ITPKB: variants seen among roughly 807,000 people sequenced by gnomAD.
The protein encoded by ITPKB is inositol-trisphosphate 3-kinase B.
A neutral mutation model predicts 69.4 loss-of-function variants in ITPKB; 13 were observed. The observed-to-expected ratio is 0.19, with a 90% confidence interval of 0.12 to 0.30. ITPKB has a LOEUF of 0.30. ITPKB is among the 10% of genes least tolerant of loss of function. The pLI is 1.00. For synonymous variants in ITPKB, 584 were observed against 513.7 expected, an observed-to-expected ratio of 1.14 and a Z score of -1.85; for missense variants, 1,240 against 1,250.5, an observed-to-expected ratio of 0.99 and a Z score of 0.13.
chr1:226,636,349 C>A (rs552932952), intron 7 of ITPKB, among the ~76,000 whole-genome samples: 28 of 152,372 alleles, frequency 1.8e-4, no homozygotes, highest in African/African-American at 6.5e-4. Flanking sequence ...AAGGACCGAG[C>A]TCCCTGCTAG....
In ITPKB at chr1:226,738,692, C is replaced by G. The variant is rs995419019; in HGVS notation, c.-206+349G>C. ...GAGCCGGCGCTCTAACACCCCAGGG[C>G]AGCGCCGCGGAGCGCAGGGCTTCTC... On this transcript the variant is annotated intron_variant, in intron 1 of 7. Transcript: ENST00000429204. This position sits in a 1 kb window ranked among gnomAD's most constrained non-coding sequence, Gnocchi z 4.2. 1.3e-5 allele frequency among the ~76,000 whole-genome samples: 2 copies of G among 152,166 alleles called. No individual in the cohort carries two copies. Among genetic ancestry groups the G allele is most frequent in the Non-Finnish European group, 2.9e-5 (2 of 68,006 alleles).
At chr1:226,674,664 G>A (rs951102044) in intron 2 of ITPKB, among the ~76,000 whole-genome samples, 2 of 152,118 alleles carry the variant, frequency 1.3e-5, no homozygotes, top group Admixed American at 6.5e-5. Flanking sequence ...ATACTTTTAA[G>A]TATCTAAAAT....
chr1:226,672,046 C>A (rs967978048), intron 2 of ITPKB, among the ~76,000 whole-genome samples: 2 of 151,850 alleles, frequency 1.3e-5, no homozygotes, highest in African/African-American at 4.8e-5. Context: ...AGAAAGCAGG[C>A]GAGAAAGGGT....
At chr1:226,717,630 TTAAA>T (rs1368039501) in intron 2 of ITPKB, among the ~76,000 whole-genome samples, 3 of 152,212 alleles carry the variant, frequency 2.0e-5, no homozygotes, top group Non-Finnish European at 4.4e-5. Flanking sequence ...ACAACTTTCC[TTAAA>T]TAATACAGCA....
intron 2 of ITPKB, among the ~76,000 whole-genome samples, chr1:226,694,422 T>G (rs1009191888): frequency 6.6e-6 from 1 of 152,242 alleles, no homozygotes; most frequent in Non-Finnish European, 1.5e-5. Flanking sequence ...TTTCTATCTA[T>G]GACTTCTTTA....
intron 2 of ITPKB, among the ~76,000 whole-genome samples, chr1:226,698,046 A>C (rs993298841): frequency 2.0e-5 from 3 of 152,222 alleles, no homozygotes; most frequent in Non-Finnish European, 4.4e-5. Flanking sequence ...GACAGCTTTG[A>C]ATCTGTCTGC....
chr1:226,683,600 G>A (rs1417241722), intron 2 of ITPKB, among the ~76,000 whole-genome samples: 1 of 152,140 alleles, frequency 6.6e-6, no homozygotes, highest in Non-Finnish European at 1.5e-5. Flanking sequence ...AGACATCTGT[G>A]AAGTGGAGAC....
chr1:226,720,523 G>A (rs1345230757), intron 2 of ITPKB, among the ~76,000 whole-genome samples: 2 of 152,194 alleles, frequency 1.3e-5, no homozygotes, highest in African/African-American at 2.4e-5. Context: ...CAATTTATAT[G>A]TCTCATCCTC....
At position 226,680,448 on chromosome 1, in the gene ITPKB, G is replaced by A. The variant is rs148379585; in HGVS notation, c.1933-31677C>T. On this transcript the variant is annotated intron_variant, in intron 2 of 7. Coordinates refer to ENST00000429204, the MANE Select transcript of ITPKB (RefSeq NM_002221.4). The stretch of plus-strand genomic sequence containing the variant: ...AAATGTGTCAGCTCTTTCCCCAAGA[G>A]AGGAGGCAATGCTGAATGTGTTAGG... 7.9e-5 allele frequency among the ~76,000 whole-genome samples: 12 copies of A among 152,360 alleles called. No individual in the cohort carries two copies. In the East Asian group the frequency reaches 1.7e-3, roughly 22 times the overall value.
Position 226,737,206 on chromosome 1 carries a change from T to C in ITPKB, c.253A>G (p.Ser85Gly), listed in dbSNP as rs528454205. 2 of 1,583,006 alleles carry C rather than the reference T, an allele frequency of 1.3e-6. No homozygotes were observed. The highest frequency in any genetic ancestry group is 2.3e-5 in the East Asian group (1 of 43,304). Residue 85 changes from serine (S) to glycine (G), a missense_variant, in exon 2 of 8, where the codon AGC (serine) becomes GGC (glycine). Transcript: ENST00000429204. ...WRSGRRRLNS[S>G]SGSGSGSSGS... ...CTGCTGCCGCTGCCACTGCCGCTGC[T>C]ACTATTCAGCCTGCGCCGGCCGCTC... is the stretch of plus-strand genomic sequence containing the variant.
intron 2 of ITPKB, among the ~76,000 whole-genome samples, chr1:226,731,248 T>C (rs1657580690): frequency 6.6e-6 from 1 of 152,184 alleles, no homozygotes; most frequent in Non-Finnish European, 1.5e-5. Context: ...ACTGTTCAGG[T>C]TAATGTTCTG....
chr1:226,718,396 C>A (rs1657147923), intron 2 of ITPKB, among the ~76,000 whole-genome samples: 1 of 152,022 alleles, frequency 6.6e-6, no homozygotes, highest in East Asian at 1.9e-4. Flanking sequence ...AGACTTGAGA[C>A]CAGCCTTGGC....
At chr1:226,662,557 T>C (rs985731379) in intron 2 of ITPKB, among the ~76,000 whole-genome samples, 2 of 152,164 alleles carry the variant, frequency 1.3e-5, no homozygotes, top group African/African-American at 4.8e-5. Flanking sequence ...CCAAGAACAT[T>C]AATGGACAAA....
At chr1:226,658,864 C>T (rs1034875054) in intron 2 of ITPKB, among the ~76,000 whole-genome samples, 5 of 152,144 alleles carry the variant, frequency 3.3e-5, no homozygotes, top group African/African-American at 9.7e-5. Context: ...TCCTTACCAG[C>T]CCCTGCAGAC....
chr1:226,645,555 C>T (rs113548259), intron 4 of ITPKB, among the ~76,000 whole-genome samples: 59 of 152,308 alleles, frequency 3.9e-4, no homozygotes, highest in African/African-American at 1.2e-3. Flanking sequence ...TCACACAGGC[C>T]GTACTTTTTT....
intron 2 of ITPKB, among the ~76,000 whole-genome samples, chr1:226,672,214 T>A (rs542267593): frequency 6.6e-6 from 1 of 152,254 alleles, no homozygotes; most frequent in South Asian, 2.1e-4. Flanking sequence ...GGCACCGAAA[T>A]GTGACAGCGT....
chr1:226,675,086 G>A (rs1208807488), intron 2 of ITPKB: 2 of 137,784 alleles, frequency 1.5e-5, no homozygotes, highest in African/African-American at 5.4e-5. Context: ...AGAAGGAAAG[G>A]AGACCTAGCC....
chr1:226,721,365 A>G (rs1023929873), intron 2 of ITPKB, among the ~76,000 whole-genome samples: 10 of 151,694 alleles, frequency 6.6e-5, no homozygotes, highest in South Asian at 2.1e-4. Context: ...AAAAAAAAAA[A>G]AAAAGAAATA....
In ITPKB at chr1:226,648,666, G is replaced by A. The variant is rs747333145; in HGVS notation, c.2032+6C>T. 5 of 1,576,104 alleles carry A rather than the reference G, an allele frequency of 3.2e-6. No homozygotes were observed. Among genetic ancestry groups the A allele is most frequent in the Admixed American group, 3.3e-5 (2 of 59,972 alleles). Reference sequence around the variant, plus strand: ...TGCTGGGAAAGTCTGGGAGAGCTGTGTCTACCTGCGTGTCCTGCCAGCTGG... The same window carrying A: ...TGCTGGGAAAGTCTGGGAGAGCTGTATCTACCTGCGTGTCCTGCCAGCTGG... On this transcript the variant is annotated splice_donor_region_variant and intron_variant, in intron 3 of 7. Coordinates refer to ENST00000429204, the MANE Select transcript of ITPKB (RefSeq NM_002221.4).
Sources: allele counts gnomAD v4.1 joint callset (sites outside exome capture counted in the v4.1 genomes callset), GRCh38; gene constraint gnomAD v4.1.1; non-coding constraint Gnocchi (gnomAD v3.1); transcripts MANE v1.5; gene names NCBI Gene and HGNC (gene_info 2026-07-23, HGNC 2026-07-21).